Variants in SIK3 observed in about 807,000 individuals in gnomAD.
SIK3 encodes serine/threonine-protein kinase SIK3.
In SIK3, 28 loss-of-function variants were observed where a neutral mutation model predicts 144.2. The observed-to-expected ratio is 0.19, with a 90% confidence interval of 0.14 to 0.27. The LOEUF (loss-of-function observed/expected upper bound fraction) is 0.27. Ranked by LOEUF, SIK3 falls within the 10% of genes least tolerant of loss-of-function variation. SIK3 has a pLI of 1.00. For synonymous variants in SIK3, 686 were observed against 676.3 expected (o/e 1.01, Z -0.22); for missense variants, 1,319 against 1,776.0 (o/e 0.74, Z 4.62).
At chr11:116,934,611 T>C (rs1181697558) in intron 3 of SIK3, among the ~76,000 whole-genome samples, 1 of 152,250 alleles carries the variant, frequency 6.6e-6, no homozygotes, top group Non-Finnish European at 1.5e-5. Flanking sequence ...AATGTGGAAC[T>C]AGAACTATTT....
chr11:116,947,223 A>AAATT (rs1555107559), intron 3 of SIK3, among the ~76,000 whole-genome samples: 107 of 88,762 alleles, frequency 1.2e-3, no homozygotes, highest in African/African-American at 2.5e-3. Context: ...TACAATATAT[A>AAATT]ATTATTTATA....
chr11:116,939,398 G>C (rs764182092), intron 3 of SIK3, among the ~76,000 whole-genome samples: 4 of 152,114 alleles, frequency 2.6e-5, no homozygotes, highest in Non-Finnish European at 5.9e-5. Context: ...CACCTGCCTC[G>C]GCCTCCCAAA....
rs143595798 is a variant in SIK3 at position 117,005,730 on chromosome 11, A to G, written c.274-48666T>C. Reference sequence around the variant, plus strand: ...TATCTTTTGCTGCTTTTGATAATATAAAGTATCACAAACCCAAAGGACATA... The same window carrying G: ...TATCTTTTGCTGCTTTTGATAATATGAAGTATCACAAACCCAAAGGACATA... On this transcript the variant is annotated intron_variant, in intron 1 of 24. Transcript: ENST00000445177. 3.2e-3 allele frequency among the ~76,000 whole-genome samples: 488 copies of G among 152,352 alleles called. 1 individual carries two copies. The highest frequency in any genetic ancestry group is 0.01 in the Middle Eastern group (3 of 294).
At chr11:117,031,236 A>G (rs1301339687) in intron 1 of SIK3, among the ~76,000 whole-genome samples, 2 of 152,058 alleles carry the variant, frequency 1.3e-5, no homozygotes, top group African/African-American at 2.4e-5. Context: ...CTAGCTCTAT[A>G]TCCTAAACAT....
intron 1 of SIK3, among the ~76,000 whole-genome samples, chr11:116,987,604 T>C (rs76391131): frequency 0.071 from 10,741 of 152,166 alleles, 673 homozygotes; most frequent in African/African-American, 0.17. Flanking sequence ...GAAATCCATG[T>C]GGTAGGAAAA....
In SIK3 at chr11:117,013,899, AGGGGG is replaced by A. The variant is rs71037440; in HGVS notation, c.274-56840_274-56836del. Among the ~76,000 whole-genome samples the A allele has an allele frequency of 3.0e-4, 8 of 26,606 alleles. 1 individual carries two copies. Among genetic ancestry groups the A allele is most frequent in the African/African-American group, 5.4e-4 (7 of 13,042 alleles). 17.5% of individuals were successfully genotyped at this position (26,606 alleles called of 152,430 possible). A position where few individuals can be genotyped will look rare whatever the true frequency, so the allele number is the denominator to read the frequency against. On this transcript the variant is annotated intron_variant, in intron 1 of 24. Coordinates refer to ENST00000445177, the MANE Select transcript of SIK3 (RefSeq NM_001366686.3). ...CATGGATATAAGTCTCCAGATTCTG[AGGGGG>A]GGGGGGGGAGGGTGTGTGTGTGTGT...
At chr11:117,062,658 T>A (rs1444194074) in intron 1 of SIK3, among the ~76,000 whole-genome samples, 1 of 151,534 alleles carries the variant, frequency 6.6e-6, no homozygotes, top group Non-Finnish European at 1.5e-5. Flanking sequence ...AAAAAAAAAA[T>A]TTAGCCATTT....
intron 3 of SIK3, among the ~76,000 whole-genome samples, chr11:116,929,087 C>G (rs543467309): frequency 6.6e-6 from 1 of 152,272 alleles, no homozygotes; most frequent in South Asian, 2.1e-4. Flanking sequence ...GAAGTCCAAA[C>G]TAGGGAGAGT....
At chr11:117,058,645 T>C (rs1015462508) in intron 1 of SIK3, among the ~76,000 whole-genome samples, 7 of 151,964 alleles carry the variant, frequency 4.6e-5, no homozygotes, top group Admixed American at 2.6e-4. Context: ...TCAGCTGCAA[T>C]GGAGGAAGGT....
intron 1 of SIK3, among the ~76,000 whole-genome samples, chr11:117,052,614 C>T (rs879410157): frequency 5.3e-5 from 8 of 152,204 alleles, no homozygotes; most frequent in Admixed American, 5.2e-4. Context: ...CTTTATTATC[C>T]CCAACAAAAC....
intron 21 of SIK3, 195 bp downstream of exon 21, chr11:116,857,615 G>A (rs1363117027): frequency 2.5e-6 from 2 of 793,964 alleles, no homozygotes; most frequent in Non-Finnish European, 3.8e-6. Context: ...TTTGTATCAT[G>A]GTCCTTTGAT....
chr11:116,964,516 A>G (rs1234093766), intron 1 of SIK3, among the ~76,000 whole-genome samples: 1 of 152,190 alleles, frequency 6.6e-6, no homozygotes, highest in Non-Finnish European at 1.5e-5. Context: ...AGGACTCTAC[A>G]TGGCCAGCAA....
intron 3 of SIK3, among the ~76,000 whole-genome samples, chr11:116,942,930 G>C (rs1035746081): frequency 4.0e-4 from 61 of 152,280 alleles, no homozygotes; most frequent in African/African-American, 1.4e-3. Flanking sequence ...CTATAATCGG[G>C]GGGGAAGTCA....
chr11:116,875,800 C>T (rs1403614892), intron 9 of SIK3, 66 bp downstream of exon 9: 1 of 1,512,096 alleles, frequency 6.6e-7, no homozygotes, highest in African/African-American at 1.4e-5. Context: ...GGTTAGTGAG[C>T]AACAGCTAAC....
At chr11:116,958,274 G>A (rs1381466871) in intron 1 of SIK3, among the ~76,000 whole-genome samples, 2 of 152,192 alleles carry the variant, frequency 1.3e-5, no homozygotes, top group South Asian at 2.1e-4. Flanking sequence ...GGAGCCATAC[G>A]TGGCAGATTA....
At chr11:117,033,095 T>A (rs1952334136) in intron 1 of SIK3, among the ~76,000 whole-genome samples, 1 of 152,290 alleles carries the variant, frequency 6.6e-6, no homozygotes, top group Non-Finnish European at 1.5e-5. Flanking sequence ...AATGTGAAAT[T>A]CTTTAAAATG....
intron 20 of SIK3, among the ~76,000 whole-genome samples, 169 bp downstream of exon 20, chr11:116,859,096 A>G (rs903382944): frequency 6.6e-6 from 1 of 152,204 alleles, no homozygotes; most frequent in Non-Finnish European, 1.5e-5. Flanking sequence ...GTCAATAAAA[A>G]GCTGACAAGT....
At position 116,859,400 on chromosome 11, in the gene SIK3, C is replaced by T. The variant is rs1466897054; in HGVS notation, c.2630G>A (p.Ser877Asn). The T allele has an allele frequency of 6.2e-7, 1 of 1,614,228 alleles. No homozygotes were observed. Among genetic ancestry groups the T allele is most frequent in the Non-Finnish European group, 8.5e-7 (1 of 1,180,042 alleles). Residue 877 changes from serine to asparagine, a missense_variant, in exon 20 of 25, where the codon AGT becomes AAT. Around this residue, in one of 8 missense-constraint regions of SIK3, gnomAD observed 646 missense variants for 763.7 expected, o/e 0.85. Coordinates refer to ENST00000445177, the MANE Select transcript of SIK3 (RefSeq NM_001366686.3). ...SNMPGTAAGS[S>N]GRGISISPSA... ...GGGGCTGATGGAGATGCCGCGCCCA[C>T]TGGAGCCTGCAGCTGTGCCTGGCAT...
chr11:117,055,163 T>TATCTA (rs1953454616), intron 1 of SIK3, among the ~76,000 whole-genome samples: 1 of 152,214 alleles, frequency 6.6e-6, no homozygotes, highest in African/African-American at 2.4e-5. Flanking sequence ...AAACTGAGTT[T>TATCTA]AAGATATCTG....
Sources: allele counts gnomAD v4.1 joint callset (sites outside exome capture counted in the v4.1 genomes callset), GRCh38; gene constraint gnomAD v4.1.1; regional missense constraint gnomAD v4.1.1; transcripts MANE v1.5; gene names NCBI Gene and HGNC (gene_info 2026-07-23, HGNC 2026-07-21).